MAD1L1: variants seen among roughly 807,000 people sequenced by gnomAD.
The protein encoded by MAD1L1 is mitotic arrest deficient 1 like 1.
In MAD1L1, 95 loss-of-function variants were observed where a neutral mutation model predicts 96.9. The observed-to-expected ratio is 0.98, with a 90% confidence interval of 0.83 to 1.16. MAD1L1 has a LOEUF of 1.16. Ranked by LOEUF, MAD1L1 falls within the 50% of genes most tolerant of loss-of-function variation. MAD1L1 has a pLI of 0.00. For missense variants in MAD1L1, 1,007 were observed against 954.4 expected (o/e 1.06, Z -0.73); for synonymous variants, 473 against 396.6 (o/e 1.19, Z -2.29).
rs1778749891 is a variant in MAD1L1, at chr7:1,938,743, C to CGT, written c.1597-1847_1597-1846insAC. Among the ~76,000 whole-genome samples, 4 of 34,782 alleles carry CGT rather than the reference C, an allele frequency of 1.2e-4. No homozygotes were observed. In the South Asian group the frequency reaches 5.0e-3, roughly 43 times the overall value. 22.8% of individuals were successfully genotyped at this position (34,782 alleles called of 152,430 possible). A position where few individuals can be genotyped will look rare whatever the true frequency, so the allele number is the denominator to read the frequency against. Reference sequence around the variant, plus strand: ...GGCCAGGGCTGGGGCCAGAGGCGCGCACGCACACACACACACACACACACA... The same window carrying CGT: ...GGCCAGGGCTGGGGCCAGAGGCGCGCGTACGCACACACACACACACACACACA... On this transcript the variant is annotated intron_variant, in intron 16 of 18. Transcript: ENST00000265854.
chr7:1,885,762 C>T (rs1040798115), intron 18 of MAD1L1, among the ~76,000 whole-genome samples: 1 of 152,216 alleles, frequency 6.6e-6, no homozygotes, highest in Admixed American at 6.5e-5. Context: ...GGCAGCCCGG[C>T]GCCCAGAGCC....
chr7:2,062,081 A>G (rs894195673), intron 12 of MAD1L1, among the ~76,000 whole-genome samples: 1 of 151,648 alleles, frequency 6.6e-6, no homozygotes, highest in African/African-American at 2.4e-5. Context: ...TCTCTACAAA[A>G]ATACAAAAAA....
At chr7:1,826,256 G>A (rs966058951) in intron 18 of MAD1L1, among the ~76,000 whole-genome samples, 8 of 152,100 alleles carry the variant, frequency 5.3e-5, no homozygotes, top group African/African-American at 1.7e-4. Flanking sequence ...AGCCACCACC[G>A]AGCCCTGACA....
intron 12 of MAD1L1, among the ~76,000 whole-genome samples, chr7:2,048,660 C>A (rs1784038997): frequency 6.6e-6 from 1 of 152,298 alleles, no homozygotes; most frequent in East Asian, 1.9e-4. Flanking sequence ...CCAAAAAGTC[C>A]CCCTCCGCCC....
At chr7:2,080,742 C>T (rs1419989117) in intron 11 of MAD1L1, among the ~76,000 whole-genome samples, 1 of 152,170 alleles carries the variant, frequency 6.6e-6, no homozygotes, top group East Asian at 1.9e-4. Flanking sequence ...GGTGCGGAGC[C>T]AGATTTTCCC....
chr7:2,175,552 G>A (rs1790909814), intron 10 of MAD1L1, among the ~76,000 whole-genome samples: 1 of 142,718 alleles, frequency 7.0e-6, no homozygotes, highest in African/African-American at 2.6e-5. Flanking sequence ...TGAGGTTTCA[G>A]AAAGAAAAAG....
chr7:1,985,193 C>T (rs561916187), intron 14 of MAD1L1, among the ~76,000 whole-genome samples: 13 of 152,324 alleles, frequency 8.5e-5, no homozygotes, highest in Middle Eastern at 6.8e-3. Context: ...CAGACGGCCC[C>T]GGGCAGCATG....
intron 11 of MAD1L1, among the ~76,000 whole-genome samples, chr7:2,102,885 A>T (rs542252177): frequency 6.6e-6 from 1 of 152,298 alleles, no homozygotes; most frequent in East Asian, 1.9e-4. Context: ...GACAATGCCC[A>T]GAGATGGCGT....
chr7:2,096,933 C>T (rs1786523992), intron 11 of MAD1L1, among the ~76,000 whole-genome samples: 1 of 152,172 alleles, frequency 6.6e-6, no homozygotes, highest in Admixed American at 6.5e-5. Flanking sequence ...CAGGCTGCCA[C>T]CCACAGGCGG....
chr7:1,878,282 AGAG>A (rs1785488896), intron 18 of MAD1L1, among the ~76,000 whole-genome samples: 1 of 152,170 alleles, frequency 6.6e-6, no homozygotes, highest in Non-Finnish European at 1.5e-5. Flanking sequence ...TCCAGAAAAA[AGAG>A]GAGGAGGGAA....
chr7:2,088,918 T>A lies in MAD1L1; in HGVS notation c.1074-19580A>T, dbSNP rs1786066564. The A allele has an allele frequency of 6.6e-6, 1 of 152,360 alleles. No individual in the cohort carries two copies. Among genetic ancestry groups the A allele is most frequent in the Non-Finnish European group, 1.5e-5 (1 of 68,126 alleles). The allele number at this position is 152,360 out of a possible 1,614,324, so 9.4% of individuals were successfully genotyped here. A position where few individuals can be genotyped will look rare whatever the true frequency, so the allele number is the denominator to read the frequency against. On this transcript the variant is annotated intron_variant, in intron 11 of 18. Transcript: ENST00000265854. This position sits in a 1 kb window ranked among gnomAD's most constrained non-coding sequence, Gnocchi z 4.4. ...GCTGCCAGGCCCACGGTGGGGGTTG[T>A]GCCTGCAGAAGGCCTCCGAGCCACG...
intron 12 of MAD1L1, among the ~76,000 whole-genome samples, chr7:2,048,034 GAC>G (rs746759666): frequency 1.2e-4 from 19 of 152,126 alleles, no homozygotes; most frequent in Non-Finnish European, 2.2e-4. Context: ...CACACGTATG[GAC>G]ACACACATAC....
At chr7:2,058,641 A>G (rs1489105015) in intron 12 of MAD1L1, among the ~76,000 whole-genome samples, 136 of 46,672 alleles carry the variant, frequency 2.9e-3, no homozygotes, top group African/African-American at 3.4e-3. Flanking sequence ...GGAGAGGCGC[A>G]GGGCTGGAGA....
intron 10 of MAD1L1, among the ~76,000 whole-genome samples, chr7:2,212,281 C>T (rs1397686785): frequency 1.3e-5 from 2 of 152,224 alleles, no homozygotes; most frequent in East Asian, 3.9e-4. Context: ...AGCTCCACCC[C>T]ACATCCCACC....
intron 13 of MAD1L1, among the ~76,000 whole-genome samples, chr7:2,012,170 A>G (rs536451904): frequency 5.1e-4 from 77 of 152,336 alleles, no homozygotes; most frequent in African/African-American, 1.8e-3. Context: ...CAAGGGGGCA[A>G]GCACGGTGCC....
At position 2,103,995 on chromosome 7, in the gene MAD1L1, A is replaced by T. The variant is rs758650314; in HGVS notation, c.1074-34657T>A. ...GCAGCCGGTGTCTGGAAATCATTCA[A>T]TGAAGGTAAGGAGTGTGCTCCTCAG... On this transcript the variant is annotated intron_variant, in intron 11 of 18. Transcript: ENST00000265854. This position sits in a 1 kb window ranked among gnomAD's most constrained non-coding sequence, Gnocchi z 4.3. 3.3e-5 allele frequency among the ~76,000 whole-genome samples: 5 copies of T among 152,244 alleles called. No homozygotes were observed. The highest frequency in any genetic ancestry group is 9.7e-5 in the African/African-American group (4 of 41,450).
chr7:1,881,064 G>A (rs902345925), intron 18 of MAD1L1, among the ~76,000 whole-genome samples: 1 of 152,174 alleles, frequency 6.6e-6, no homozygotes, highest in Admixed American at 6.5e-5. Flanking sequence ...TTCATAAGAT[G>A]GAGACAGGAA....
intron 10 of MAD1L1, among the ~76,000 whole-genome samples, chr7:2,205,030 G>A (rs1307459076): frequency 1.3e-5 from 2 of 150,010 alleles, no homozygotes; most frequent in Admixed American, 6.6e-5. Flanking sequence ...TTTAAGTAAC[G>A]AGAGAAATCT....
intron 11 of MAD1L1, among the ~76,000 whole-genome samples, chr7:2,072,804 A>G (rs1785197553): frequency 6.6e-6 from 1 of 152,254 alleles, no homozygotes; most frequent in Non-Finnish European, 1.5e-5. Context: ...TCAGCTCAGC[A>G]CAGGATGGCT....
Sources: allele counts gnomAD v4.1 joint callset (sites outside exome capture counted in the v4.1 genomes callset), GRCh38; gene constraint gnomAD v4.1.1; non-coding constraint Gnocchi (gnomAD v3.1); transcripts MANE v1.5; gene names NCBI Gene and HGNC (gene_info 2026-07-23, HGNC 2026-07-21).